The following COL10A1 variants were observed in gnomAD, a reference collection of about 807,000 sequenced individuals.
COL10A1 encodes the protein collagen type X alpha 1 chain.
In COL10A1, 10 loss-of-function variants were observed where a neutral mutation model predicts 18.2. The observed-to-expected ratio is 0.55, with a 90% CI of 0.34 to 0.93. The LOEUF is 0.93. Among genes scored for constraint, COL10A1 ranks in the 40% least tolerant of loss-of-function variants. The pLI is 0.02. For missense variants in COL10A1, 897 were observed against 853.5 expected (o/e 1.05, Z -0.64); for synonymous variants, 330 against 316.6 (o/e 1.04, Z -0.45).
chr6:116,199,209 G>A, the COL10A1 span, among the ~76,000 whole-genome samples: 5 of 152,070 alleles, frequency 3.3e-5, no homozygotes, highest in Non-Finnish European at 7.4e-5. Flanking sequence ...CTTCTAGATA[G>A]ACAAGAGAGT....
intron 1 of COL10A1, among the ~76,000 whole-genome samples, chr6:116,142,155 T>A (rs9488849): frequency 0.27 from 41,772 of 151,972 alleles, 6,866 homozygotes; most frequent in African/African-American, 0.45. Flanking sequence ...CTCTTTCTAA[T>A]ATATGAAACT....
rs755820997 is a variant in COL10A1 at position 116,121,584 on chromosome 6, C to T, written c.532G>A (p.Ala178Thr). ...CCATTCATACCAGGGACTCCTGGTG[C>T]ACCCTTTTCTCCAGGAAAGCCCCTG... ...GPRGFPGEKG[A>T]PGVPGMNGQK... The change falls in exon 3 of 3, where the codon GCA becomes ACA. Residue 178 changes from alanine (A) to threonine (T), a missense_variant. Coordinates refer to ENST00000651968, the MANE Select transcript of COL10A1 (RefSeq NM_000493.4). The T allele has an allele frequency of 3.9e-5, 63 of 1,613,878 alleles. No homozygotes were observed. Among genetic ancestry groups the T allele is most frequent in the Non-Finnish European group, 5.0e-5 (59 of 1,179,978 alleles).
At chr6:116,131,704 AAGTGC>A (rs1416922771) in intron 1 of COL10A1, among the ~76,000 whole-genome samples, 1 of 152,148 alleles carries the variant, frequency 6.6e-6, no homozygotes, top group Non-Finnish European at 1.5e-5. Flanking sequence ...TCAGGGGTAC[AAGTGC>A]AGGTGTGTTA....
the COL10A1 span, among the ~76,000 whole-genome samples, chr6:116,182,226 T>A: frequency 2.1e-5 from 3 of 143,434 alleles, no homozygotes; most frequent in Admixed American, 6.9e-5. Context: ...ATGGAGAGTG[T>A]GTGTGTGTGT....
intron 1 of COL10A1, among the ~76,000 whole-genome samples, chr6:116,132,990 A>G (rs1456518263): frequency 6.6e-6 from 1 of 152,194 alleles, no homozygotes; most frequent in African/African-American, 2.4e-5. Flanking sequence ...AGAGAAATTC[A>G]TGCATAAAAA....
chr6:116,120,048 A>G lies in COL10A1; in HGVS notation c.*25T>C. ...GTTAGAGAATGCTTTTTCTAGCACA[A>G]GATTTAGATTAGCTCTGTGTGTACT... On this transcript the variant is annotated 3_prime_UTR_variant, in exon 3 of 3. Transcript: ENST00000651968. The G allele has an allele frequency of 6.6e-7, 1 of 1,519,160 alleles. No homozygotes were observed. Among genetic ancestry groups the G allele is most frequent in the Non-Finnish European group, 8.8e-7 (1 of 1,137,524 alleles). 94.1% of individuals were successfully genotyped at this position (1,519,160 alleles called of 1,614,324 possible). A position where few individuals can be genotyped will look rare whatever the true frequency, so the allele number is the denominator to read the frequency against.
chr6:116,178,049 G>GA, the COL10A1 span, among the ~76,000 whole-genome samples: 1 of 138,716 alleles, frequency 7.2e-6, no homozygotes, highest in Non-Finnish European at 1.5e-5. Flanking sequence ...TTACAAAGAG[G>GA]AAAGTGTGTG....
chr6:116,160,958 T>C (rs1780313158), upstream of COL10A1, among the ~76,000 whole-genome samples: 1 of 151,778 alleles, frequency 6.6e-6, no homozygotes, highest in East Asian at 1.9e-4. Flanking sequence ...CCAACAATGA[T>C]AGACTGGATT....
At chr6:116,152,116 A>G (rs1373571034) in intron 1 of COL10A1, among the ~76,000 whole-genome samples, 1 of 152,216 alleles carries the variant, frequency 6.6e-6, no homozygotes, top group Non-Finnish European at 1.5e-5. Flanking sequence ...TTTGTATGTC[A>G]CAATCTATTT....
chr6:116,162,663 G>A (rs1183439010), upstream of COL10A1, among the ~76,000 whole-genome samples: 1 of 152,048 alleles, frequency 6.6e-6, no homozygotes, highest in Non-Finnish European at 1.5e-5. Context: ...ATGTGCTGTT[G>A]GATTCAGTTT....
chr6:116,177,226 G>T, the COL10A1 span, among the ~76,000 whole-genome samples: 1 of 152,224 alleles, frequency 6.6e-6, no homozygotes, highest in Admixed American at 6.6e-5. Context: ...TAGTCTCATA[G>T]ATTATGTTTC....
At chr6:116,155,143 G>A (rs1267380110) in intron 1 of COL10A1, among the ~76,000 whole-genome samples, 3 of 152,090 alleles carry the variant, frequency 2.0e-5, no homozygotes, top group Non-Finnish European at 2.9e-5. Flanking sequence ...AGTATGATAT[G>A]GCCTTGAAGT....
intron 1 of COL10A1, among the ~76,000 whole-genome samples, chr6:116,133,906 A>T (rs1028370849): frequency 6.6e-6 from 1 of 152,218 alleles, no homozygotes; most frequent in African/African-American, 2.4e-5. Flanking sequence ...CTATAGAGAT[A>T]TAATAACCAT....
chr6:116,127,469 A>G (rs905509908), upstream of COL10A1, among the ~76,000 whole-genome samples: 10 of 152,256 alleles, frequency 6.6e-5, no homozygotes, highest in African/African-American at 2.4e-4. Flanking sequence ...ATAGCAGTTT[A>G]GAATAACAAA....
the COL10A1 span, among the ~76,000 whole-genome samples, chr6:116,187,178 C>A: frequency 2.0e-5 from 3 of 152,014 alleles, no homozygotes; most frequent in Non-Finnish European, 4.4e-5. Context: ...TGATCTGGTA[C>A]TGGGAAGTGT....
At chr6:116,168,031 A>T in the COL10A1 span, among the ~76,000 whole-genome samples, 1 of 149,060 alleles carries the variant, frequency 6.7e-6, no homozygotes, top group Non-Finnish European at 1.5e-5. Context: ...TGAGATTACT[A>T]ATTTCTCTTT....
At chr6:116,166,576 C>A in the COL10A1 span, among the ~76,000 whole-genome samples, 3 of 152,186 alleles carry the variant, frequency 2.0e-5, no homozygotes, top group East Asian at 5.8e-4. Context: ...GCATCGATCT[C>A]CATTTACCCA....
At chr6:116,175,004 A>T in the COL10A1 span, among the ~76,000 whole-genome samples, 1 of 152,192 alleles carries the variant, frequency 6.6e-6, no homozygotes, top group African/African-American at 2.4e-5. Flanking sequence ...TTAGTAAGGG[A>T]TATAGAATAT....
chr6:116,162,753 T>C (rs1303934305), upstream of COL10A1, among the ~76,000 whole-genome samples: 1 of 152,184 alleles, frequency 6.6e-6, no homozygotes, highest in East Asian at 1.9e-4. Flanking sequence ...GTGTTATCCT[T>C]GCTGGATCTT....
Sources: gnomAD v4.1 joint callset for allele counts (sites outside exome capture counted in the v4.1 genomes callset) on GRCh38, gnomAD v4.1.1 for gene constraint, MANE v1.5 for transcripts, NCBI Gene and HGNC (gene_info 2026-07-23, HGNC 2026-07-21) for gene names.